Variants in TTC28 observed in about 807,000 individuals in gnomAD.
The protein encoded by TTC28 is tetratricopeptide repeat protein 28.
Under a neutral mutation model 198.0 loss-of-function variants are expected in TTC28, and 61 were observed. That is an observed-to-expected ratio of 0.31 (90% CI 0.25 to 0.38). TTC28 has a LOEUF of 0.38. Among genes scored for constraint, TTC28 ranks in the 10% least tolerant of loss-of-function variants. TTC28 has a pLI of 1.00. For synonymous variants in TTC28, 1,171 were observed against 1,297.8 expected, an observed-to-expected ratio of 0.90 and a Z score of 2.10; for missense variants, 2,678 against 3,164.0, an observed-to-expected ratio of 0.85 and a Z score of 3.69.
intron 1 of TTC28, among the ~76,000 whole-genome samples, chr22:28,641,674 CAATT>C (rs1448679442): frequency 2.0e-5 from 3 of 151,864 alleles, no homozygotes; most frequent in African/African-American, 7.3e-5. Flanking sequence ...AATTGCATCT[CAATT>C]AAAGAAATGA....
At chr22:28,610,982 G>T (rs527628230) in intron 2 of TTC28, among the ~76,000 whole-genome samples, 11 of 152,078 alleles carry the variant, frequency 7.2e-5, no homozygotes, top group African/African-American at 2.7e-4. Flanking sequence ...AGAGATGGAA[G>T]ATCAACTTAA....
chr22:28,622,585 C>T (rs973105658), intron 2 of TTC28, among the ~76,000 whole-genome samples: 4 of 151,758 alleles, frequency 2.6e-5, no homozygotes, highest in Non-Finnish European at 5.9e-5. Flanking sequence ...AGGAATAATA[C>T]AATGGTAGAC....
At chr22:28,313,136 C>T (rs907156251) in intron 2 of TTC28, among the ~76,000 whole-genome samples, 5 of 152,124 alleles carry the variant, frequency 3.3e-5, no homozygotes, top group East Asian at 1.9e-4. Flanking sequence ...TTCCTTGACA[C>T]GTACACTCAC....
intron 2 of TTC28, among the ~76,000 whole-genome samples, chr22:28,391,743 C>T (rs192149152): frequency 2.6e-4 from 40 of 152,328 alleles, no homozygotes; most frequent in African/African-American, 8.9e-4. Context: ...ATACGTTCTT[C>T]TAAACTTTTT....
intron 2 of TTC28, among the ~76,000 whole-genome samples, chr22:28,439,774 T>C (rs1407201110): frequency 6.6e-6 from 1 of 152,224 alleles, no homozygotes. Context: ...TTGGGTTAAC[T>C]GCTCAGAATC....
rs1011688763 is a variant in TTC28, at chr22:27,980,577, G to C, written c.*1644C>G. ...ACCCATGGTTAAAACCCCCACCTGG[G>C]GATCCTGAGGTCAGTGCCCCCTGCC... is the stretch of plus-strand genomic sequence containing the variant. On this transcript the variant is annotated 3_prime_UTR_variant, in exon 23 of 23. Transcript: ENST00000397906. 6.6e-6 allele frequency: 1 copy of C among 152,260 alleles called. No individual in the cohort carries two copies. Among genetic ancestry groups the C allele is most frequent in the Non-Finnish European group, 1.5e-5 (1 of 68,064 alleles). The allele number at this position is 152,260 out of a possible 1,614,324, so 9.4% of individuals were successfully genotyped here. A position where few individuals can be genotyped will look rare whatever the true frequency, so the allele number is the denominator to read the frequency against.
intron 5 of TTC28, among the ~76,000 whole-genome samples, chr22:28,167,773 C>A (rs1301804439): frequency 2.6e-5 from 4 of 152,140 alleles, no homozygotes; most frequent in Admixed American, 2.6e-4. Flanking sequence ...GACAGGGATG[C>A]CCTCTCTCAC....
chr22:28,030,413 G>A (rs1485841563), intron 12 of TTC28, 47 bp from the exon 13 acceptor site: 1 of 1,547,718 alleles, frequency 6.5e-7, no homozygotes, highest in East Asian at 2.4e-5. Flanking sequence ...AGGAAGCGCT[G>A]AGCTATGGAA....
At chr22:28,039,520 T>C (rs916986553) in intron 12 of TTC28, among the ~76,000 whole-genome samples, 1 of 136,610 alleles carries the variant, frequency 7.3e-6, no homozygotes, top group African/African-American at 2.8e-5. Flanking sequence ...GGGTCTGTTG[T>C]TGGGTGGGGG....
intron 2 of TTC28, among the ~76,000 whole-genome samples, chr22:28,583,206 A>T (rs551968518): frequency 1.4e-4 from 22 of 152,308 alleles, no homozygotes; most frequent in African/African-American, 3.6e-4. Flanking sequence ...ATCATTTTTT[A>T]AAAAAATGAG....
chr22:28,056,841 C>T (rs916361206), intron 12 of TTC28, among the ~76,000 whole-genome samples: 2 of 152,148 alleles, frequency 1.3e-5, no homozygotes, highest in Non-Finnish European at 2.9e-5. Context: ...TTCTCTTCCA[C>T]CAGAGATTAA....
At chr22:28,350,048 A>G (rs1390858280) in intron 2 of TTC28, among the ~76,000 whole-genome samples, 2 of 152,222 alleles carry the variant, frequency 1.3e-5, no homozygotes, top group Non-Finnish European at 2.9e-5. Context: ...ACCTCTTTTC[A>G]TATCTAACTC....
intron 2 of TTC28, among the ~76,000 whole-genome samples, chr22:28,530,351 G>A (rs1414256016): frequency 6.6e-6 from 1 of 152,148 alleles, no homozygotes; most frequent in Non-Finnish European, 1.5e-5. Flanking sequence ...GAGAAGACAA[G>A]TTTAGAGAAA....
intron 2 of TTC28, among the ~76,000 whole-genome samples, chr22:28,543,739 A>G (rs1480955200): frequency 6.6e-6 from 1 of 152,246 alleles, no homozygotes; most frequent in East Asian, 1.9e-4. Flanking sequence ...AGACATTTTC[A>G]AACTCCTTTG....
intron 2 of TTC28, among the ~76,000 whole-genome samples, chr22:28,345,456 C>T (rs531008377): frequency 6.6e-6 from 1 of 152,292 alleles, no homozygotes; most frequent in African/African-American, 2.4e-5. Context: ...TCCCTTGGCC[C>T]TGCTCTTGTA....
chr22:28,459,305 C>G (rs2047912849), intron 2 of TTC28, among the ~76,000 whole-genome samples: 1 of 152,018 alleles, frequency 6.6e-6, no homozygotes, highest in African/African-American at 2.4e-5. Context: ...GTGGTGCACA[C>G]CTGTGGTTCC....
At chr22:28,101,646 C>G (rs1329043504) in intron 8 of TTC28, among the ~76,000 whole-genome samples, 4 of 151,986 alleles carry the variant, frequency 2.6e-5, no homozygotes, top group African/African-American at 9.7e-5. Flanking sequence ...TGGGATAGCA[C>G]TGCTCCCACC....
At chr22:28,051,228 C>G (rs918917214) in intron 12 of TTC28, among the ~76,000 whole-genome samples, 4 of 152,196 alleles carry the variant, frequency 2.6e-5, no homozygotes, top group African/African-American at 7.2e-5. Flanking sequence ...GAGAGTGTGA[C>G]TCCCAGGCTC....
Position 28,295,245 on chromosome 22 carries a change from T to C in TTC28, c.933+953A>G, listed in dbSNP as rs117751831. On this transcript the variant is annotated intron_variant, in intron 5 of 22. Coordinates refer to ENST00000397906, the MANE Select transcript of TTC28 (RefSeq NM_001145418.2). Reference sequence around the variant, plus strand: ...TTGCTGGATCATTTAAACAATATAATTAATCTTTATAAGGTCCCATAGTAG... The same window carrying C: ...TTGCTGGATCATTTAAACAATATAACTAATCTTTATAAGGTCCCATAGTAG... 1.2e-3 allele frequency among the ~76,000 whole-genome samples: 181 copies of C among 152,292 alleles called. 5 individuals carry two copies. The East Asian group carries it at 0.035, about 29-fold the overall frequency.
Sources: allele counts gnomAD v4.1 joint callset (sites outside exome capture counted in the v4.1 genomes callset), GRCh38; gene constraint gnomAD v4.1.1; transcripts MANE v1.5; gene names NCBI Gene and HGNC (gene_info 2026-07-23, HGNC 2026-07-21).